The following CASC3 variants were observed in gnomAD, a reference collection of about 807,000 sequenced individuals.
CASC3 encodes the protein CASC3 exon junction complex subunit.
In CASC3, 30 loss-of-function variants were observed where a neutral mutation model predicts 80.5. The ratio of observed to expected loss-of-function variants is 0.37; its 90% CI spans 0.28 to 0.51. CASC3 has a LOEUF of 0.51. CASC3 is among the 20% of genes least tolerant of loss of function. The probability of loss-of-function intolerance (pLI) is 0.94; values close to 1 mark genes in which losing one functional copy is unlikely to be tolerated. For synonymous variants in CASC3, 312 were observed against 333.6 expected, an observed-to-expected ratio of 0.94 and a Z score of 0.70; for missense variants, 824 against 922.2, an observed-to-expected ratio of 0.89 and a Z score of 1.38.
rs368570333 is a variant in CASC3 at position 40,142,011 on chromosome 17, A to G, written c.297+404A>G. ...GTAGGATTCGGAATGTTTTGTGCCA[A>G]GAGCATCCATCATTTTATAGGTGGG... On this transcript the variant is annotated intron_variant, in intron 3 of 13. Coordinates refer to ENST00000264645, the MANE Select transcript of CASC3 (RefSeq NM_007359.5). Among the ~76,000 whole-genome samples, 14 of 152,334 alleles carry G rather than the reference A, an allele frequency of 9.2e-5. No homozygotes were observed. In the South Asian group the frequency reaches 2.9e-3, roughly 32 times the overall value.
intron 8 of CASC3, 180 bp downstream of exon 8, chr17:40,167,041 C>G (rs1989467444): frequency 1.8e-6 from 1 of 543,398 alleles, no homozygotes; most frequent in African/African-American, 2.0e-5. Context: ...TCACTGCAAG[C>G]TCTGCCTCCT....
At position 40,140,762 on chromosome 17, in the gene CASC3, G is replaced by A. The variant is rs767990289; in HGVS notation, c.214G>A (p.Ala72Thr). The A allele has an allele frequency of 1.3e-4, 193 of 1,509,202 alleles. 1 individual carries two copies. The Middle Eastern group carries it at 3.6e-3, about 28-fold the overall frequency. 93.5% of individuals were successfully genotyped at this position (1,509,202 alleles called of 1,614,324 possible). ...RRVESGGAKS[A>T]EESECESEDG... ...GGTGGAGAGCGGGGGCGCCAAGAGT[G>A]CTGAGGAGTCGGAGTGTGTGAGTGC... The change falls in exon 1 of 14, where the codon GCT becomes ACT. Residue 72 changes from alanine (A) to threonine (T), a missense_variant. Physicochemically the swap from Ala to Thr is moderately conservative, Grantham distance 58. Transcript: ENST00000264645.
At position 40,162,118 on chromosome 17, in the gene CASC3, T is replaced by C; in HGVS notation, c.573T>C (p.His191=). 6.2e-7 allele frequency: 1 copy of C among 1,613,812 alleles called. No homozygotes were observed. The highest frequency in any genetic ancestry group is 1.1e-5 in the South Asian group (1 of 90,984). ...CTCGGAAAGGGCTCTTCTTTGAGCA[T>C]GATCTTCGAGGGCAAACTCAGGAGG... ...YIPRKGLFFE[H]DLRGQTQEEE... is the part of the protein sequence containing the mutation. Residue 191 remains histidine, a synonymous_variant, in exon 5 of 14, where the codon CAT becomes CAC. Transcript: ENST00000264645.
chr17:40,170,364 G>A, intron 13 of CASC3, 83 bp from the exon 14 acceptor site: 1 of 901,484 alleles, frequency 1.1e-6, no homozygotes, highest in Non-Finnish European at 1.3e-6. Context: ...ATTTAGAAGT[G>A]TGGCTTTTTG....
chr17:40,146,412 C>T (rs1988861493), intron 3 of CASC3, among the ~76,000 whole-genome samples: 1 of 151,428 alleles, frequency 6.6e-6, no homozygotes, highest in Non-Finnish European at 1.5e-5. Flanking sequence ...TGCTATCCAG[C>T]ATCTCGAGAA....
At chr17:40,156,020 G>A (rs1989137723) in intron 3 of CASC3, among the ~76,000 whole-genome samples, 1 of 152,152 alleles carries the variant, frequency 6.6e-6, no homozygotes, top group Non-Finnish European at 1.5e-5. Context: ...ATCAGAGGGT[G>A]GAGCATAAAA....
intron 11 of CASC3, chr17:40,168,999 C>A: frequency 3.8e-6 from 1 of 261,390 alleles, no homozygotes; most frequent in East Asian, 8.7e-5. Flanking sequence ...CTTATCACCC[C>A]TACCTCTGTC....
intron 6 of CASC3, 56 bp from the exon 7 acceptor site, chr17:40,163,425 G>A (rs1300091917): frequency 2.2e-5 from 33 of 1,480,916 alleles, no homozygotes; most frequent in East Asian, 6.8e-5. Flanking sequence ...CTGAGCCACC[G>A]CGCGTAGCCT....
chr17:40,150,135 C>T (rs1988963546), intron 3 of CASC3, among the ~76,000 whole-genome samples: 1 of 152,148 alleles, frequency 6.6e-6, no homozygotes, highest in Non-Finnish European at 1.5e-5. Flanking sequence ...AATCCAAGCA[C>T]TTTGGGAGGC....
At chr17:40,144,612 C>T (rs746022468) in intron 3 of CASC3, among the ~76,000 whole-genome samples, 4 of 150,078 alleles carry the variant, frequency 2.7e-5, no homozygotes, top group African/African-American at 7.4e-5. Flanking sequence ...CCCAAAGTAC[C>T]GGGATTACAG....
rs1567683752 is a variant in CASC3, at chr17:40,164,749, C to CGTTTT, written c.1471+583_1471+584insGTTTT. ...TGTGAGCCACAGCCACCGTGCCTGGCCTTTTTTTTTTTTTTTTTTTTTTTG... is the reference window on the plus strand; with the variant it reads ...TGTGAGCCACAGCCACCGTGCCTGGCGTTTTCTTTTTTTTTTTTTTTTTTTTTTTG... On this transcript the variant is annotated intron_variant, in intron 7 of 13. Coordinates refer to ENST00000264645, the MANE Select transcript of CASC3 (RefSeq NM_007359.5). Among the ~76,000 whole-genome samples, 302 of 87,818 alleles carry CGTTTT rather than the reference C, an allele frequency of 3.4e-3. 6 individuals carry two copies. Among genetic ancestry groups the CGTTTT allele is most frequent in the African/African-American group, 0.019 (286 of 15,246 alleles). The allele number at this position is 87,818 out of a possible 152,430, so 57.6% of individuals were successfully genotyped here. A position where few individuals can be genotyped will look rare whatever the true frequency, so the allele number is the denominator to read the frequency against.
chr17:40,166,222 C>G (rs1269356455), intron 7 of CASC3, among the ~76,000 whole-genome samples: 2 of 152,156 alleles, frequency 1.3e-5, no homozygotes, highest in Non-Finnish European at 2.9e-5. Context: ...AGGATCTTCC[C>G]TTAGTCTGAA....
rs1309878513 is a variant in CASC3, at chr17:40,171,508, GT to G, written c.*1107del. 1.0e-6 allele frequency: 1 copy of G among 988,786 alleles called. No homozygotes were observed. Among genetic ancestry groups the G allele is most frequent in the Non-Finnish European group, 1.2e-6 (1 of 831,718 alleles). 61.3% of individuals were successfully genotyped at this position (988,786 alleles called of 1,614,324 possible). A position where few individuals can be genotyped will look rare whatever the true frequency, so the allele number is the denominator to read the frequency against. ...TCTCCACGTCTTTCCTGCTACAAGT[GT>G]TTTAGATGTTACTACCTTATTTTCC... On this transcript the variant is annotated 3_prime_UTR_variant, in exon 14 of 14. Coordinates refer to ENST00000264645, the MANE Select transcript of CASC3 (RefSeq NM_007359.5).
rs1989492232 is a variant in CASC3, at chr17:40,167,889, C to T, written c.1691C>T (p.Pro564Leu). The T allele has an allele frequency of 1.2e-6, 2 of 1,614,182 alleles. No individual in the cohort carries two copies. The highest frequency in any genetic ancestry group is 2.2e-5 in the East Asian group (1 of 44,894). Reference sequence around the variant, plus strand: ...CCAATCTATACCCATGGTGACAGCCCTGCCCCGCTGCCTCCACAGGGCATG... The same window carrying T: ...CCAATCTATACCCATGGTGACAGCCTTGCCCCGCTGCCTCCACAGGGCATG... ...QGPIYTHGDSPAPLPPQGMLV... is the reference protein window; with the variant it reads ...QGPIYTHGDSLAPLPPQGMLV... The change falls in exon 10 of 14, where the codon CCT becomes CTT. Residue 564 changes from proline (P) to leucine (L), a missense_variant. Physicochemically the swap from Pro to Leu is moderately conservative, Grantham distance 98. Coordinates refer to ENST00000264645, the MANE Select transcript of CASC3 (RefSeq NM_007359.5).
At chr17:40,162,424 G>A (rs756749526) in intron 5 of CASC3, among the ~76,000 whole-genome samples, 12 of 152,062 alleles carry the variant, frequency 7.9e-5, no homozygotes, top group Non-Finnish European at 1.8e-4. Flanking sequence ...AGGCGTCTGA[G>A]AAGTGAAATA....
At chr17:40,148,976 A>C (rs959280418) in intron 3 of CASC3, among the ~76,000 whole-genome samples, 1 of 151,934 alleles carries the variant, frequency 6.6e-6, no homozygotes, top group African/African-American at 2.4e-5. Context: ...TCCAGATTCA[A>C]GCTATTCTTG....
At chr17:40,156,399 T>C (rs1989145333) in intron 3 of CASC3, among the ~76,000 whole-genome samples, 1 of 152,058 alleles carries the variant, frequency 6.6e-6, no homozygotes, top group African/African-American at 2.4e-5. Flanking sequence ...TAGTTAACCT[T>C]TGAACGGCCA....
chr17:40,159,454 C>T (rs966062703), intron 3 of CASC3, among the ~76,000 whole-genome samples: 15 of 151,976 alleles, frequency 9.9e-5, no homozygotes, highest in African/African-American at 3.6e-4. Context: ...CGGTTCACTG[C>T]AACCTCTGCC....
chr17:40,158,221 T>TA (rs1245359542), intron 3 of CASC3, among the ~76,000 whole-genome samples: 1 of 152,244 alleles, frequency 6.6e-6, no homozygotes, highest in African/African-American at 2.4e-5. Context: ...GGCAGAAACT[T>TA]AGAGTTTGAG....
Sources: gnomAD v4.1 joint callset for allele counts (sites outside exome capture counted in the v4.1 genomes callset) on GRCh38, gnomAD v4.1.1 for gene constraint, MANE v1.5 for transcripts, NCBI Gene and HGNC (gene_info 2026-07-23, HGNC 2026-07-21) for gene names.